FBXL7: variants seen among roughly 807,000 people sequenced by gnomAD.
FBXL7 encodes the protein F-box and leucine rich repeat protein 7, also known as F-box/LRR-repeat protein 7.
In FBXL7, 12 loss-of-function variants were observed where a neutral mutation model predicts 38.3. The ratio of observed to expected loss-of-function variants is 0.31; its 90% CI spans 0.20 to 0.51. The LOEUF (loss-of-function observed/expected upper bound fraction) is 0.51, where lower values mean the gene tolerates loss of function less well. Ranked by LOEUF, FBXL7 falls within the 20% of genes least tolerant of loss-of-function variation. The pLI is 0.98. For synonymous variants in FBXL7, 297 were observed against 300.9 expected (o/e 0.99, Z 0.13); for missense variants, 567 against 676.4 (o/e 0.84, Z 1.79).
At chr5:15,732,520 G>T (rs1735617657) in intron 2 of FBXL7, among the ~76,000 whole-genome samples, 1 of 152,048 alleles carries the variant, frequency 6.6e-6, no homozygotes. Flanking sequence ...GTAGAATTAA[G>T]AAACTCCAGC....
At chr5:15,726,755 A>T (rs979830853) in intron 2 of FBXL7, among the ~76,000 whole-genome samples, 1 of 151,814 alleles carries the variant, frequency 6.6e-6, no homozygotes, top group Admixed American at 6.6e-5. Context: ...GATAGCATGT[A>T]GTTGGATCTT....
intron 2 of FBXL7, among the ~76,000 whole-genome samples, chr5:15,819,644 C>T (rs1192280748): frequency 6.6e-6 from 1 of 151,976 alleles, no homozygotes; most frequent in Non-Finnish European, 1.5e-5. Flanking sequence ...TATCAGATAC[C>T]CTTTTAAAAC....
chr5:15,852,826 G>C (rs1267481584), intron 2 of FBXL7, among the ~76,000 whole-genome samples: 2 of 152,030 alleles, frequency 1.3e-5, no homozygotes, highest in African/African-American at 4.8e-5. Context: ...TACTAGTTCA[G>C]TTTGGCCACT....
At chr5:15,502,909 A>G (rs1736536939) in intron 1 of FBXL7, among the ~76,000 whole-genome samples, 1 of 152,240 alleles carries the variant, frequency 6.6e-6, no homozygotes, top group East Asian at 1.9e-4. Flanking sequence ...GAAAATTAAG[A>G]CAGTTTTATA....
chr5:15,641,460 A>G (rs116404112), intron 2 of FBXL7, among the ~76,000 whole-genome samples: 1 of 152,044 alleles, frequency 6.6e-6, no homozygotes, highest in African/African-American at 2.4e-5. Context: ...ACCAAGAGGA[A>G]TGGGGAAGAT....
At chr5:15,912,260 A>C (rs1457473826) in intron 2 of FBXL7, among the ~76,000 whole-genome samples, 1 of 94,496 alleles carries the variant, frequency 1.1e-5, no homozygotes, top group African/African-American at 4.8e-5. Context: ...TGAAAAGCGC[A>C]ATATTCGGGT....
chr5:15,552,530 C>G (rs1738108550), intron 1 of FBXL7, among the ~76,000 whole-genome samples: 1 of 152,226 alleles, frequency 6.6e-6, no homozygotes, highest in Non-Finnish European at 1.5e-5. Flanking sequence ...ATTTCAGAGA[C>G]AGTCTCATCC....
At chr5:15,633,424 G>A (rs934902682) in intron 2 of FBXL7, among the ~76,000 whole-genome samples, 3 of 151,978 alleles carry the variant, frequency 2.0e-5, no homozygotes, top group Admixed American at 6.5e-5. Context: ...ATTCAATACC[G>A]ACCTGTATAG....
chr5:15,567,364 GAT>G (rs1031530546), intron 1 of FBXL7, among the ~76,000 whole-genome samples: 3 of 151,988 alleles, frequency 2.0e-5, no homozygotes, highest in Admixed American at 2.0e-4. Context: ...AATATAAAAA[GAT>G]ATTTGTTTTT....
intron 2 of FBXL7, among the ~76,000 whole-genome samples, chr5:15,669,498 G>A (rs930310066): frequency 2.0e-5 from 3 of 152,106 alleles, no homozygotes; most frequent in African/African-American, 7.2e-5. Flanking sequence ...TCTTACATAC[G>A]TTTTTAGGCT....
At chr5:15,714,145 T>C (rs935129615) in intron 2 of FBXL7, among the ~76,000 whole-genome samples, 2 of 152,198 alleles carry the variant, frequency 1.3e-5, no homozygotes, top group African/African-American at 2.4e-5. Context: ...TCCTGTTGAA[T>C]TGTAATCCCC....
intron 2 of FBXL7, among the ~76,000 whole-genome samples, chr5:15,654,288 G>A (rs1483363696): frequency 6.6e-6 from 1 of 152,052 alleles, no homozygotes; most frequent in Admixed American, 6.5e-5. Context: ...GCAAATGGTT[G>A]GGTCTTTAAT....
rs753816386 is a variant in FBXL7, at chr5:15,719,679, T to C, written c.127+103607T>C. 1.1e-4 allele frequency among the ~76,000 whole-genome samples: 17 copies of C among 148,918 alleles called. 1 individual carries two copies. Among genetic ancestry groups the C allele is most frequent in the Non-Finnish European group, 2.3e-4 (15 of 66,650 alleles). ...TTTCTCGAACAGCTGGTTAGTTCTT[T>C]TGTGAGTGTGTTTATCTTTCTAAAA... On this transcript the variant is annotated intron_variant, in intron 2 of 3. Coordinates refer to ENST00000504595, the MANE Select transcript of FBXL7 (RefSeq NM_012304.5).
In FBXL7 at chr5:15,895,397, A is replaced by G. The variant is rs111230187; in HGVS notation, c.128-32493A>G. ...AAGGAAACCAAGTATCATGCTTAGC[A>G]CATGGAACAGGGCATAATTGGCACT... On this transcript the variant is annotated intron_variant, in intron 2 of 3. Coordinates refer to ENST00000504595, the MANE Select transcript of FBXL7 (RefSeq NM_012304.5). 5.7e-3 allele frequency among the ~76,000 whole-genome samples: 873 copies of G among 152,266 alleles called. 5 individuals carry two copies. The highest frequency in any genetic ancestry group is 0.02 in the African/African-American group (824 of 41,562).
chr5:15,527,565 G>A lies in FBXL7; in HGVS notation c.37+26852G>A, dbSNP rs140353975. 2.1e-4 allele frequency among the ~76,000 whole-genome samples: 32 copies of A among 152,210 alleles called. No individual in the cohort carries two copies. In the East Asian group the frequency reaches 6.2e-3, roughly 29 times the overall value. ...TACTTTAAAGAGTTTTCTCTAAAAT[G>A]TTCTGAAATATTTACTGTAAAACAT... On this transcript the variant is annotated intron_variant, in intron 1 of 3. Transcript: ENST00000504595.
At chr5:15,932,463 A>C (rs931422114) in intron 3 of FBXL7, among the ~76,000 whole-genome samples, 1 of 152,220 alleles carries the variant, frequency 6.6e-6, no homozygotes, top group Non-Finnish European at 1.5e-5. Context: ...GAAATCTGGG[A>C]TTAACTGAAG....
intron 1 of FBXL7, among the ~76,000 whole-genome samples, chr5:15,555,604 GTC>G (rs1738205308): frequency 6.6e-6 from 1 of 152,124 alleles, no homozygotes; most frequent in African/African-American, 2.4e-5. Context: ...TCAGGAGAGA[GTC>G]AGGAAAGGAA....
intron 2 of FBXL7, among the ~76,000 whole-genome samples, chr5:15,642,872 T>C (rs1357373303): frequency 1.3e-5 from 2 of 152,236 alleles, no homozygotes; most frequent in African/African-American, 4.8e-5. Flanking sequence ...ATGATCTTAA[T>C]TTAAAATGAA....
At chr5:15,647,368 C>T (rs1741565500) in intron 2 of FBXL7, among the ~76,000 whole-genome samples, 1 of 152,210 alleles carries the variant, frequency 6.6e-6, no homozygotes, top group African/African-American at 2.4e-5. Context: ...CAGTGCTCTT[C>T]TCGCCATTCC....
Sources: gnomAD v4.1 joint callset for allele counts (sites outside exome capture counted in the v4.1 genomes callset) on GRCh38, gnomAD v4.1.1 for gene constraint, MANE v1.5 for transcripts, NCBI Gene and HGNC (gene_info 2026-07-23, HGNC 2026-07-21) for gene names.